ARPIN: variants seen among roughly 807,000 people sequenced by gnomAD.
ARPIN encodes the protein UPF0552 protein C15orf38.
In ARPIN, 23 loss-of-function variants were observed where a neutral mutation model predicts 25.9. The observed-to-expected ratio is 0.89, with a 90% CI of 0.64 to 1.26. The LOEUF (loss-of-function observed/expected upper bound fraction) is 1.26, where lower values mean the gene tolerates loss of function less well. Ranked by LOEUF, ARPIN falls within the 50% of genes most tolerant of loss-of-function variation. The pLI is 0.00. For missense variants in ARPIN, 333 were observed against 312.2 expected (o/e 1.07, Z -0.50); for synonymous variants, 126 against 131.4 (o/e 0.96, Z 0.28).
intron 2 of ARPIN, among the ~76,000 whole-genome samples, chr15:89,909,972 C>T (rs2141927383): frequency 6.6e-6 from 1 of 152,304 alleles, no homozygotes; most frequent in South Asian, 2.1e-4. Context: ...GCAAGCAAGC[C>T]CCACATCAGC....
intron 3 of ARPIN, among the ~76,000 whole-genome samples, chr15:89,906,210 C>T (rs1012675095): frequency 6.6e-6 from 1 of 152,264 alleles, no homozygotes; most frequent in Admixed American, 6.5e-5. Context: ...AGGCTATTTG[C>T]CTCCCTGGAG....
intron 5 of ARPIN, chr15:89,902,719 AGAAAT>A (rs1257991711): frequency 2.4e-6 from 1 of 420,082 alleles, no homozygotes; most frequent in Non-Finnish European, 3.3e-6. Context: ...AAAAGAGAAA[AGAAAT>A]GAAAAGAAAA....
At position 89,899,486 on chromosome 15, in the gene ARPIN, A is replaced by G. The variant is rs1056853309; in HGVS notation, c.*2309T>C. 3.3e-5 allele frequency: 5 copies of G among 152,208 alleles called. No individual in the cohort carries two copies. Among genetic ancestry groups the G allele is most frequent in the African/African-American group, 1.2e-4 (5 of 41,412 alleles). 9.4% of individuals were successfully genotyped at this position (152,208 alleles called of 1,614,324 possible). A position where few individuals can be genotyped will look rare whatever the true frequency, so the allele number is the denominator to read the frequency against. ...TAGCCACAGGCTGGGCTCCTGCTAAACAGCAGGTCACCCGGAAACATAACA... is the reference window on the plus strand; with the variant it reads ...TAGCCACAGGCTGGGCTCCTGCTAAGCAGCAGGTCACCCGGAAACATAACA... On this transcript the variant is annotated 3_prime_UTR_variant, in exon 6 of 6. Coordinates refer to ENST00000357484, the MANE Select transcript of ARPIN (RefSeq NM_182616.4).
In ARPIN at chr15:89,895,879, TTTTG is replaced by T. The variant is rs79709796; in HGVS notation, c.*5912_*5915del. 0.46 allele frequency: 68,882 copies of T among 151,350 alleles called. 15,825 individuals carry two copies. Among genetic ancestry groups the T allele is most frequent in the East Asian group, 0.59 (3,019 of 5,098 alleles). 9.4% of individuals were successfully genotyped at this position (151,350 alleles called of 1,614,324 possible). A position where few individuals can be genotyped will look rare whatever the true frequency, so the allele number is the denominator to read the frequency against. ...AACCGCCACCACGCCTAGTCCAGTT[TTTTG>T]TTTGTTTGTTTGTTTGTTTGTTTGA... is the stretch of plus-strand genomic sequence containing the variant. On this transcript the variant is annotated 3_prime_UTR_variant, in exon 6 of 6. Coordinates refer to ENST00000357484, the MANE Select transcript of ARPIN (RefSeq NM_182616.4).
chr15:89,910,304 C>A (rs1230691279), intron 2 of ARPIN, among the ~76,000 whole-genome samples: 2 of 152,068 alleles, frequency 1.3e-5, no homozygotes, highest in African/African-American at 4.8e-5. Context: ...AAGACACAGG[C>A]TAGTACTGGA....
At position 89,895,119 on chromosome 15, in the gene ARPIN, A is replaced by AAT. The variant is rs2141911440; in HGVS notation, c.*6674_*6675dup. 6.6e-6 allele frequency: 1 copy of AAT among 152,270 alleles called. No individual in the cohort carries two copies. Among genetic ancestry groups the AAT allele is most frequent in the Admixed American group, 6.5e-5 (1 of 15,296 alleles). The allele number at this position is 152,270 out of a possible 1,614,324, so 9.4% of individuals were successfully genotyped here. A position where few individuals can be genotyped will look rare whatever the true frequency, so the allele number is the denominator to read the frequency against. On this transcript the variant is annotated 3_prime_UTR_variant, in exon 6 of 6. Coordinates refer to ENST00000357484, the MANE Select transcript of ARPIN (RefSeq NM_182616.4). ...AGAACAGTAAAAAAAAGAAGAAAAAAATATATATCTCAGCAGTGTTATTAC... is the reference window on the plus strand; with the variant it reads ...AGAACAGTAAAAAAAAGAAGAAAAAAATATATATATCTCAGCAGTGTTATTAC...
intron 1 of ARPIN, 81 bp downstream of exon 1, chr15:89,912,663 T>TGGGGGGGCC: frequency 9.2e-6 from 8 of 871,090 alleles, no homozygotes; most frequent in Non-Finnish European, 7.0e-6. Context: ...CCCACCCGCA[T>TGGGGGGGCC]CCCACCCCCC....
At chr15:89,905,619 C>G (rs1897107056) in intron 3 of ARPIN, among the ~76,000 whole-genome samples, 1 of 152,142 alleles carries the variant, frequency 6.6e-6, no homozygotes, top group African/African-American at 2.4e-5. Flanking sequence ...AACCCGTGGG[C>G]AGTGCCTGAC....
rs1897056805 is a variant in ARPIN at position 89,903,316 on chromosome 15, G to A, written c.572C>T (p.Thr191Ile). Residue 191 changes from threonine (T) to isoleucine (I), a missense_variant, in exon 5 of 6, where the codon ACA becomes ATA. By Grantham distance (89) the Thr-to-Ile change is moderately conservative. Coordinates refer to ENST00000357484, the MANE Select transcript of ARPIN (RefSeq NM_182616.4). Reference sequence around the variant, plus strand: ...GATGTTGTCTGTCCAGGATGCCCCTGTCTTTCCATCACCAGTGAAATTACA... The same window carrying A: ...GATGTTGTCTGTCCAGGATGCCCCTATCTTTCCATCACCAGTGAAATTACA... ...TKCNFTGDGK[T>I]GASWTDNIMA... 6.8e-6 allele frequency: 11 copies of A among 1,614,198 alleles called. No individual in the cohort carries two copies. The highest frequency in any genetic ancestry group is 9.3e-6 in the Non-Finnish European group (11 of 1,180,038).
intron 3 of ARPIN, among the ~76,000 whole-genome samples, chr15:89,904,834 G>T (rs1897090453): frequency 6.6e-6 from 1 of 152,154 alleles, no homozygotes; most frequent in East Asian, 1.9e-4. Context: ...CATTCATGGT[G>T]TACAACCTCA....
chr15:89,903,113 G>A (rs1897050118), intron 5 of ARPIN, 103 bp downstream of exon 5: 2 of 1,608,758 alleles, frequency 1.2e-6, no homozygotes, highest in East Asian at 2.2e-5. Context: ...TAAAGCTGGG[G>A]GGTAAGATTC....
intron 1 of ARPIN, 81 bp downstream of exon 1, chr15:89,912,663 T>TGGTGGGGCCCCCC: frequency 1.1e-6 from 1 of 871,112 alleles, no homozygotes. Flanking sequence ...CCCACCCGCA[T>TGGTGGGGCCCCCC]CCCACCCCCC....
In ARPIN at chr15:89,912,787, T is replaced by C; in HGVS notation, c.49A>G (p.Ser17Gly). The C allele has an allele frequency of 6.6e-7, 1 of 1,518,056 alleles. No homozygotes were observed. Among genetic ancestry groups the C allele is most frequent in the Non-Finnish European group, 8.8e-7 (1 of 1,138,104 alleles). 94.0% of individuals were successfully genotyped at this position (1,518,056 alleles called of 1,614,324 possible). A position where few individuals can be genotyped will look rare whatever the true frequency, so the allele number is the denominator to read the frequency against. Residue 17 changes from serine to glycine, a missense_variant, in exon 1 of 6, where the codon AGC (serine) becomes GGC (glycine). Transcript: ENST00000357484. ...DGALRNKAVQSVRLPGAWDPA... is the reference protein window; with the variant it reads ...DGALRNKAVQGVRLPGAWDPA... ...TCCCAGGCCCCTGGCAGCCGGACGC[T>C]CTGCACCGCCTTGTTCCGGAGCGCG...
rs1273281266 is a variant in ARPIN, at chr15:89,899,054, T to A, written c.*2741A>T. The A allele has an allele frequency of 6.6e-6, 1 of 151,130 alleles. No homozygotes were observed. Among genetic ancestry groups the A allele is most frequent in the Non-Finnish European group, 1.5e-5 (1 of 68,472 alleles). The allele number at this position is 151,130 out of a possible 1,614,324, so 9.4% of individuals were successfully genotyped here. ...TAGGGAATAGGATTTTACCTCAGTG[T>A]CCCTACCTGCTGAGCCTGGGACCCT... On this transcript the variant is annotated 3_prime_UTR_variant, in exon 6 of 6. Transcript: ENST00000357484.
At position 89,899,960 on chromosome 15, in the gene ARPIN, T is replaced by C. The variant is rs1458699635; in HGVS notation, c.*1835A>G. On this transcript the variant is annotated 3_prime_UTR_variant, in exon 6 of 6. Transcript: ENST00000357484. ...AAGACACCCCGCCCTTTTTGTTGCT[T>C]TAGGACCTCTCCTATTGACACACTG... 6.6e-6 allele frequency: 1 copy of C among 152,472 alleles called. No individual in the cohort carries two copies. The highest frequency in any genetic ancestry group is 1.9e-4 in the East Asian group (1 of 5,202). 9.4% of individuals were successfully genotyped at this position (152,472 alleles called of 1,614,324 possible). A position where few individuals can be genotyped will look rare whatever the true frequency, so the allele number is the denominator to read the frequency against.
chr15:89,898,719 CT>C lies in ARPIN; in HGVS notation c.*3075del, dbSNP rs3840031. On this transcript the variant is annotated 3_prime_UTR_variant, in exon 6 of 6. Transcript: ENST00000357484. ...GAGGGTTGTGACATTGTGATGAGCT[CT>C]GAGTTGTATTAAGGAATTTGAACTT... The C allele has an allele frequency of 0.48, 73,385 of 151,754 alleles. 18,125 individuals are homozygous for C. The highest frequency in any genetic ancestry group is 0.61 in the East Asian group (3,122 of 5,148). 9.4% of individuals were successfully genotyped at this position (151,754 alleles called of 1,614,324 possible). A position where few individuals can be genotyped will look rare whatever the true frequency, so the allele number is the denominator to read the frequency against.
At chr15:89,910,881 T>C in intron 1 of ARPIN, 62 bp from the exon 2 acceptor site, 2 of 1,582,534 alleles carry the variant, frequency 1.3e-6, no homozygotes, top group Non-Finnish European at 1.7e-6. Flanking sequence ...ATCTCACCCG[T>C]GTCTCCTATT....
chr15:89,912,565 G>T, intron 1 of ARPIN, 179 bp downstream of exon 1: 1 of 1,349,194 alleles, frequency 7.4e-7, no homozygotes, highest in South Asian at 1.8e-5. Context: ...GGGGTCGCTG[G>T]GCGGGCGCGG....
chr15:89,910,717 T>C (rs778601840), intron 2 of ARPIN, 27 bp downstream of exon 2: 10 of 1,613,768 alleles, frequency 6.2e-6, no homozygotes, highest in South Asian at 1.1e-5. Context: ...CAGTGCCCTC[T>C]AGCTAGCACC....
Sources: allele counts gnomAD v4.1 joint callset (sites outside exome capture counted in the v4.1 genomes callset), GRCh38; gene constraint gnomAD v4.1.1; transcripts MANE v1.5; gene names NCBI Gene and HGNC (gene_info 2026-07-23, HGNC 2026-07-21).